Variants in SDHC observed in about 807,000 individuals in gnomAD.
SDHC encodes the protein succinate dehydrogenase cytochrome b560 subunit, mitochondrial.
In SDHC, 11 loss-of-function variants were observed where a neutral mutation model predicts 22.6. The observed-to-expected ratio is 0.49, with a 90% CI of 0.31 to 0.81. The LOEUF is 0.81. Ranked by LOEUF, SDHC falls within the 30% of genes least tolerant of loss-of-function variation. The pLI is 0.05. For synonymous variants in SDHC, 80 were observed against 77.8 expected, an observed-to-expected ratio of 1.03 and a Z score of -0.15; for missense variants, 160 against 212.0, an observed-to-expected ratio of 0.75 and a Z score of 1.52.
chr1:161,354,645 AGAT>A (rs1466099905), intron 4 of SDHC, among the ~76,000 whole-genome samples: 1 of 144,076 alleles, frequency 6.9e-6, no homozygotes, highest in Non-Finnish European at 1.5e-5. Flanking sequence ...CCCATTTTAC[AGAT>A]GATGTCTTAT....
chr1:161,358,440 G>C (rs1322890195), intron 5 of SDHC, among the ~76,000 whole-genome samples: 1 of 151,946 alleles, frequency 6.6e-6, no homozygotes, highest in South Asian at 2.1e-4. Context: ...AACTGTCCAT[G>C]TTGCCTCCTA....
At chr1:161,318,414 C>T (rs1670707913) in intron 1 of SDHC, among the ~76,000 whole-genome samples, 1 of 152,126 alleles carries the variant, frequency 6.6e-6, no homozygotes, top group Non-Finnish European at 1.5e-5. Flanking sequence ...TAGAGATGAA[C>T]AACCAGCTAA....
intron 3 of SDHC, among the ~76,000 whole-genome samples, chr1:161,329,229 A>T (rs1425163564): frequency 6.6e-6 from 1 of 151,898 alleles, no homozygotes. Context: ...TTATTCAGAC[A>T]TGCTAATAAG....
At chr1:161,362,178 T>G in intron 5 of SDHC, 151 bp from the exon 6 acceptor site, 1 of 907,500 alleles carries the variant, frequency 1.1e-6, no homozygotes, top group Non-Finnish European at 1.7e-6. Context: ...TTGAGAAGGG[T>G]AAAGGTGGGG....
intron 2 of SDHC, among the ~76,000 whole-genome samples, chr1:161,327,671 C>T (rs1020809291): frequency 2.6e-5 from 4 of 151,754 alleles, no homozygotes; most frequent in African/African-American, 9.7e-5. Context: ...AAGTGATTCT[C>T]CTGCCTCACC....
Position 161,317,475 on chromosome 1 carries a change from G to A in SDHC, c.20+3050G>A, listed in dbSNP as rs373525290. On this transcript the variant is annotated intron_variant, in intron 1 of 5. Transcript: ENST00000367975. The stretch of plus-strand genomic sequence containing the variant: ...TTGACATATGCATTACATCTTTGTG[G>A]GGGAACACTTGAAATCTATTCTTAG... Among the ~76,000 whole-genome samples the A allele has an allele frequency of 7.3e-4, 110 of 151,418 alleles. 2 individuals carry two copies. The South Asian group carries it at 0.022, about 31-fold the overall frequency.
intron 5 of SDHC, among the ~76,000 whole-genome samples, chr1:161,358,510 G>A (rs2102375507): frequency 6.6e-6 from 1 of 152,128 alleles, no homozygotes; most frequent in African/African-American, 2.4e-5. Context: ...GGTGGTGTGC[G>A]CCTGTGGTCC....
At chr1:161,360,360 G>T (rs1672460409) in intron 5 of SDHC, among the ~76,000 whole-genome samples, 1 of 151,874 alleles carries the variant, frequency 6.6e-6, no homozygotes, top group African/African-American at 2.4e-5. Context: ...TTCAAAACTA[G>T]CCTGGGCAAC....
At chr1:161,329,741 C>T (rs1671208348) in intron 3 of SDHC, among the ~76,000 whole-genome samples, 2 of 152,212 alleles carry the variant, frequency 1.3e-5, no homozygotes, top group African/African-American at 2.4e-5. Context: ...CAACACAGGT[C>T]TCATTAGGCT....
intron 3 of SDHC, among the ~76,000 whole-genome samples, chr1:161,329,196 A>G (rs989097604): frequency 6.6e-6 from 1 of 152,096 alleles, no homozygotes; most frequent in Non-Finnish European, 1.5e-5. Flanking sequence ...GTGAGCCACC[A>G]TGCCCGGCCA....
In SDHC at chr1:161,356,637, T is replaced by A. The variant is rs753376767; in HGVS notation, c.242-40T>A. 3.0e-5 allele frequency: 49 copies of A among 1,609,636 alleles called. No individual in the cohort carries two copies. Among genetic ancestry groups the A allele is most frequent in the Non-Finnish European group, 4.0e-5 (47 of 1,176,762 alleles). ...TTTTATGTATCATATTAGTTGTAACTTATGAGCAGCTGTGACAAGCTACTT... is the reference window on the plus strand; with the variant it reads ...TTTTATGTATCATATTAGTTGTAACATATGAGCAGCTGTGACAAGCTACTT... On this transcript the variant is annotated intron_variant, in intron 4 of 5. Transcript: ENST00000367975.
chr1:161,347,011 C>T (rs540186171), intron 4 of SDHC, among the ~76,000 whole-genome samples: 5 of 152,218 alleles, frequency 3.3e-5, no homozygotes, highest in Non-Finnish European at 7.4e-5. Context: ...ATTCATTTCC[C>T]CCACCCAATA....
chr1:161,340,570 T>C (rs1671683287), intron 3 of SDHC, 24 bp from the exon 4 acceptor site: 1 of 1,608,016 alleles, frequency 6.2e-7, no homozygotes, highest in South Asian at 1.1e-5. Flanking sequence ...CTTTTTAAAA[T>C]TGTCTTTGTG....
At chr1:161,357,864 C>G (rs926932810) in intron 5 of SDHC, among the ~76,000 whole-genome samples, 2 of 152,156 alleles carry the variant, frequency 1.3e-5, no homozygotes, top group African/African-American at 4.8e-5. Context: ...TTTCATTCTT[C>G]CGTTCCTGTT....
intron 2 of SDHC, among the ~76,000 whole-genome samples, chr1:161,324,950 C>G (rs1670994925): frequency 6.6e-6 from 1 of 151,710 alleles, no homozygotes. Context: ...CCTGTAATCC[C>G]AACACTTTAG....
At chr1:161,347,595 C>A (rs1374683714) in intron 4 of SDHC, among the ~76,000 whole-genome samples, 1 of 148,912 alleles carries the variant, frequency 6.7e-6, no homozygotes, top group Non-Finnish European at 1.5e-5. Flanking sequence ...GGGCCAGGCG[C>A]GGTGGCTCAC....
intron 1 of SDHC, among the ~76,000 whole-genome samples, chr1:161,321,517 C>G (rs555220007): frequency 6.6e-6 from 1 of 152,250 alleles, no homozygotes; most frequent in East Asian, 1.9e-4. Context: ...CTGGGCCTAG[C>G]CTGGTGTGAG....
intron 4 of SDHC, among the ~76,000 whole-genome samples, chr1:161,344,595 G>C (rs917120325): frequency 6.6e-6 from 1 of 152,076 alleles, no homozygotes; most frequent in Non-Finnish European, 1.5e-5. Context: ...TTTCTATAGA[G>C]TAGAAGTTAA....
At chr1:161,348,300 A>G (rs567960178) in intron 4 of SDHC, among the ~76,000 whole-genome samples, 7 of 151,858 alleles carry the variant, frequency 4.6e-5, no homozygotes, top group African/African-American at 1.4e-4. Context: ...CTGGGACTAC[A>G]GGCATGTGTC....
Sources: gnomAD v4.1 joint callset for allele counts (sites outside exome capture counted in the v4.1 genomes callset) on GRCh38, gnomAD v4.1.1 for gene constraint, MANE v1.5 for transcripts, NCBI Gene and HGNC (gene_info 2026-07-23, HGNC 2026-07-21) for gene names.